Variants in REEP5 observed in about 807,000 individuals in gnomAD.
The protein encoded by REEP5 is receptor expression-enhancing protein 5.
REEP5 carries 24 observed loss-of-function variants against 22.4 expected under a neutral mutation model. The ratio of observed to expected loss-of-function variants is 1.07; its 90% confidence interval spans 0.78 to 1.51. The LOEUF is 1.51. Among genes scored for constraint, REEP5 ranks in the 40% most tolerant of loss-of-function variants. The probability of loss-of-function intolerance (pLI) is 0.00; values close to 1 mark genes in which losing one functional copy is unlikely to be tolerated. For missense variants in REEP5, 252 were observed against 233.0 expected (o/e 1.08, Z -0.53); for synonymous variants, 103 against 88.6 (o/e 1.16, Z -0.92).
chr5:112,885,593 T>C (rs573665280), intron 4 of REEP5: 2 of 271,224 alleles, frequency 7.4e-6, no homozygotes, highest in South Asian at 5.4e-5. Context: ...CTGGACAACT[T>C]AGACCCACTA....
intron 3 of REEP5, chr5:112,891,603 G>T: frequency 1.3e-6 from 2 of 1,565,684 alleles, no homozygotes; most frequent in Non-Finnish European, 8.7e-7. Flanking sequence ...ATTCCCATAG[G>T]TTAAGAATGT....
At chr5:112,896,531 A>T (rs455469) in intron 3 of REEP5, 54,143 of 152,064 alleles carry the variant, frequency 0.36, 9,963 homozygotes, top group African/African-American at 0.45. Flanking sequence ...CCATCTCAAA[A>T]AAAAGAAAAA....
intron 1 of REEP5, 112 bp downstream of exon 1, chr5:112,921,961 G>C (rs889670192): frequency 7.6e-6 from 10 of 1,322,834 alleles, no homozygotes; most frequent in African/African-American, 1.5e-5. Context: ...TGCTTGTCCC[G>C]TCTGTCTCCG....
chr5:112,921,900 G>T (rs1308640340), intron 1 of REEP5, 173 bp downstream of exon 1: 1 of 782,808 alleles, frequency 1.3e-6, no homozygotes, highest in Non-Finnish European at 1.9e-6. Flanking sequence ...CCCCCGCGGG[G>T]TCCTCCGATG....
chr5:112,877,025 T>G lies in REEP5; in HGVS notation c.*1761A>C, dbSNP rs993631598. The G allele has an allele frequency of 6.6e-6, 1 of 152,164 alleles. No individual in the cohort carries two copies. Among genetic ancestry groups the G allele is most frequent in the African/African-American group, 2.4e-5 (1 of 41,436 alleles). The allele number at this position is 152,164 out of a possible 1,614,324, so 9.4% of individuals were successfully genotyped here. A position where few individuals can be genotyped will look rare whatever the true frequency, so the allele number is the denominator to read the frequency against. ...GCCACCAAGAAAACTGTACTTTTAT[T>G]TATGGGAAAAGGATTTAAATACTCC... On this transcript the variant is annotated 3_prime_UTR_variant, in exon 5 of 5. Transcript: ENST00000379638.
chr5:112,881,599 T>A (rs1222481894), intron 4 of REEP5, among the ~76,000 whole-genome samples: 1 of 152,150 alleles, frequency 6.6e-6, no homozygotes, highest in Non-Finnish European at 1.5e-5. Flanking sequence ...CAAATGGATC[T>A]GGTAGGTGTT....
chr5:112,913,693 C>A (rs1201400928), intron 2 of REEP5, among the ~76,000 whole-genome samples: 1 of 151,854 alleles, frequency 6.6e-6, no homozygotes, highest in Non-Finnish European at 1.5e-5. Context: ...TTTTTAAATG[C>A]AAAATGGAAG....
At chr5:112,885,512 T>C in intron 4 of REEP5, 1 of 217,426 alleles carries the variant, frequency 4.6e-6, no homozygotes. Flanking sequence ...CAGATGAGGG[T>C]AGAAGTTAGT....
At chr5:112,902,337 C>T (rs1412549987) in intron 3 of REEP5, 43 bp downstream of exon 3, 1 of 1,563,908 alleles carries the variant, frequency 6.4e-7, no homozygotes, top group Non-Finnish European at 8.6e-7. Context: ...TTCTTCTATA[C>T]AGGTACTGAG....
chr5:112,906,127 C>T (rs1768951985), intron 2 of REEP5, among the ~76,000 whole-genome samples: 1 of 152,160 alleles, frequency 6.6e-6, no homozygotes, highest in Non-Finnish European at 1.5e-5. Context: ...TGCAGTCTAG[C>T]CAAAATGGCC....
At chr5:112,902,087 T>C (rs1400510929) in intron 3 of REEP5, among the ~76,000 whole-genome samples, 1 of 152,022 alleles carries the variant, frequency 6.6e-6, no homozygotes, top group Non-Finnish European at 1.5e-5. Flanking sequence ...TGGAGCTTCC[T>C]ATATTTAATT....
chr5:112,895,237 C>CAAAAAAAAAAAAAAAAAAAA (rs10684553), intron 3 of REEP5: 2 of 62,216 alleles, frequency 3.2e-5, no homozygotes, highest in African/African-American at 1.4e-4. Context: ...GACTCTGTCT[C>CAAAAAAAAAAAAAAAAAAAA]AAAAAAAAAA....
At chr5:112,901,534 C>G (rs2150043916) in intron 3 of REEP5, among the ~76,000 whole-genome samples, 1 of 152,010 alleles carries the variant, frequency 6.6e-6, no homozygotes, top group Admixed American at 6.5e-5. Flanking sequence ...CATGGTGAAA[C>G]TCTTTCTCTA....
At chr5:112,899,934 C>A (rs925027029) in intron 3 of REEP5, among the ~76,000 whole-genome samples, 1 of 152,194 alleles carries the variant, frequency 6.6e-6, no homozygotes, top group Middle Eastern at 3.2e-3. Flanking sequence ...TATGTGGGCA[C>A]TCAAAAAGTT....
chr5:112,882,711 A>G (rs1768118322), intron 4 of REEP5, among the ~76,000 whole-genome samples: 1 of 152,244 alleles, frequency 6.6e-6, no homozygotes, highest in African/African-American at 2.4e-5. Flanking sequence ...AGAGAAGAGT[A>G]GCTGCAACAG....
chr5:112,902,040 C>T (rs182306291), intron 3 of REEP5, among the ~76,000 whole-genome samples: 20 of 150,570 alleles, frequency 1.3e-4, no homozygotes, highest in Admixed American at 1.1e-3. Flanking sequence ...AGAACTAAAA[C>T]TCAAGATACT....
At chr5:112,897,474 G>C (rs1235806156) in intron 3 of REEP5, 1 of 151,888 alleles carries the variant, frequency 6.6e-6, no homozygotes, top group East Asian at 1.9e-4. Flanking sequence ...TCTGGCACAT[G>C]GAGGTTCTAA....
At chr5:112,912,157 C>A (rs1052354030) in intron 2 of REEP5, among the ~76,000 whole-genome samples, 22 of 152,070 alleles carry the variant, frequency 1.4e-4, no homozygotes, top group Non-Finnish European at 2.1e-4. Flanking sequence ...TATGAGAAAA[C>A]TGAATTTTAT....
chr5:112,878,944 A>G (rs2150032487), intron 4 of REEP5, 109 bp from the exon 5 acceptor site: 1 of 1,547,090 alleles, frequency 6.5e-7, no homozygotes, highest in South Asian at 1.2e-5. Flanking sequence ...AACTTGGATG[A>G]CTCATGTTCA....
Sources: gnomAD v4.1 joint callset for allele counts (sites outside exome capture counted in the v4.1 genomes callset) on GRCh38, gnomAD v4.1.1 for gene constraint, MANE v1.5 for transcripts, NCBI Gene and HGNC (gene_info 2026-07-23, HGNC 2026-07-21) for gene names.